EEPD1: variants seen among roughly 807,000 people sequenced by gnomAD.
The protein encoded by EEPD1 is endonuclease/exonuclease/phosphatase family domain-containing protein 1.
A neutral mutation model predicts 46.3 loss-of-function variants in EEPD1; 17 were observed. The observed-to-expected ratio is 0.37, with a 90% CI of 0.25 to 0.55. EEPD1 has a LOEUF of 0.55. EEPD1 is among the 20% of genes least tolerant of loss of function. The pLI is 0.83. For synonymous variants in EEPD1, 313 were observed against 315.6 expected (o/e 0.99, Z 0.09); for missense variants, 673 against 745.6 (o/e 0.90, Z 1.13).
intron 2 of EEPD1, among the ~76,000 whole-genome samples, chr7:36,220,524 G>A (rs1786125670): frequency 1.3e-5 from 2 of 152,172 alleles, no homozygotes; most frequent in Admixed American, 6.5e-5. Context: ...ACACTGGGGA[G>A]GAAGTTTGGG....
intron 3 of EEPD1, among the ~76,000 whole-genome samples, chr7:36,248,707 A>C (rs1258789350): frequency 3.3e-5 from 5 of 152,090 alleles, no homozygotes; most frequent in African/African-American, 1.2e-4. Flanking sequence ...GGGTTGAGCA[A>C]GATCAGTGGC....
intron 6 of EEPD1, among the ~76,000 whole-genome samples, chr7:36,293,409 C>G (rs145570240): frequency 6.6e-6 from 1 of 152,218 alleles, no homozygotes; most frequent in Non-Finnish European, 1.5e-5. Flanking sequence ...GACATGCAAT[C>G]CCAGAGAGCT....
chr7:36,270,107 CAT>C (rs1182445857), intron 3 of EEPD1, among the ~76,000 whole-genome samples: 2 of 152,038 alleles, frequency 1.3e-5, no homozygotes, highest in East Asian at 3.9e-4. Flanking sequence ...TGTGTGTGTG[CAT>C]ATGTGTGTGT....
chr7:36,224,376 C>T (rs998872507), intron 2 of EEPD1, among the ~76,000 whole-genome samples: 8 of 151,954 alleles, frequency 5.3e-5, no homozygotes, highest in South Asian at 4.2e-4. Context: ...GAAAACGGGC[C>T]GACAGTCAGT....
At position 36,300,458 on chromosome 7, in the gene EEPD1, A is replaced by G. The variant is rs1042487389; in HGVS notation, c.*1252A>G. The G allele has an allele frequency of 1.3e-5, 2 of 152,262 alleles. No homozygotes were observed. The highest frequency in any genetic ancestry group is 1.5e-5 in the Non-Finnish European group (1 of 68,052). The allele number at this position is 152,262 out of a possible 1,614,324, so 9.4% of individuals were successfully genotyped here. ...GAGGGATGCAGACTCAGGTTTTGCT[A>G]TGTGCTCACATTTCAACTTTATGCT... On this transcript the variant is annotated 3_prime_UTR_variant, in exon 8 of 8. Transcript: ENST00000242108.
At chr7:36,265,894 T>G (rs1404632423) in intron 3 of EEPD1, among the ~76,000 whole-genome samples, 1 of 152,198 alleles carries the variant, frequency 6.6e-6, no homozygotes, top group Non-Finnish European at 1.5e-5. Flanking sequence ...CCTTTTTTGC[T>G]TACAAGCTAA....
chr7:36,202,405 A>C (rs141015328), intron 2 of EEPD1, among the ~76,000 whole-genome samples: 1 of 152,068 alleles, frequency 6.6e-6, no homozygotes, highest in African/African-American at 2.4e-5. Flanking sequence ...TGGGTTTCTC[A>C]TCCTGTTCGC....
intron 3 of EEPD1, among the ~76,000 whole-genome samples, chr7:36,259,876 TAC>T (rs1268613080): frequency 6.6e-6 from 1 of 152,230 alleles, no homozygotes; most frequent in East Asian, 1.9e-4. Flanking sequence ...AGTGTGTATT[TAC>T]AGAGTTAGCT....
intron 2 of EEPD1, among the ~76,000 whole-genome samples, chr7:36,238,352 A>T (rs908771629): frequency 6.6e-6 from 1 of 152,188 alleles, no homozygotes; most frequent in South Asian, 2.1e-4. Context: ...TCCTGGGAAT[A>T]CAGCCCAGTA....
intron 2 of EEPD1, among the ~76,000 whole-genome samples, chr7:36,215,426 G>A (rs1489470843): frequency 6.6e-6 from 1 of 152,206 alleles, no homozygotes; most frequent in Non-Finnish European, 1.5e-5. Context: ...TTAATTGCTG[G>A]AGAGGTAGGT....
intron 2 of EEPD1, among the ~76,000 whole-genome samples, chr7:36,202,211 G>A (rs771797101): frequency 6.6e-6 from 1 of 152,200 alleles, no homozygotes; most frequent in African/African-American, 2.4e-5. Context: ...GAAATGTGAA[G>A]ATGGGTTAGA....
At chr7:36,244,815 C>G (rs1048379578) in intron 3 of EEPD1, among the ~76,000 whole-genome samples, 3 of 145,578 alleles carry the variant, frequency 2.1e-5, no homozygotes, top group African/African-American at 7.6e-5. Flanking sequence ...CCCTGTTGCC[C>G]AGGCTGGAGT....
At chr7:36,155,430 T>C (rs1014535505) in intron 2 of EEPD1, among the ~76,000 whole-genome samples, 9 of 152,208 alleles carry the variant, frequency 5.9e-5, no homozygotes, top group Non-Finnish European at 4.4e-5. Context: ...GTGTGAGATA[T>C]CTGAGACTGA....
chr7:36,245,669 C>T (rs1210849602), intron 3 of EEPD1, among the ~76,000 whole-genome samples: 1 of 152,214 alleles, frequency 6.6e-6, no homozygotes, highest in East Asian at 1.9e-4. Flanking sequence ...AATTAACAAT[C>T]TAAATTCTTC....
intron 2 of EEPD1, among the ~76,000 whole-genome samples, chr7:36,238,283 C>CT (rs1786492608): frequency 6.6e-6 from 1 of 152,170 alleles, no homozygotes; most frequent in Non-Finnish European, 1.5e-5. Flanking sequence ...TCAGCAAGGT[C>CT]TTTGTGACCT....
At chr7:36,180,875 G>A (rs570825833) in intron 2 of EEPD1, among the ~76,000 whole-genome samples, 3 of 151,532 alleles carry the variant, frequency 2.0e-5, no homozygotes, top group Admixed American at 2.0e-4. Flanking sequence ...CATGCACCTG[G>A]ACTTCTGCAT....
intron 2 of EEPD1, among the ~76,000 whole-genome samples, chr7:36,177,869 A>G (rs1785209792): frequency 6.6e-6 from 1 of 152,078 alleles, no homozygotes; most frequent in Non-Finnish European, 1.5e-5. Context: ...GCGCACCTCC[A>G]TGCCCGGCTA....
chr7:36,230,119 C>T (rs1786297244), intron 2 of EEPD1, among the ~76,000 whole-genome samples: 2 of 151,996 alleles, frequency 1.3e-5, no homozygotes. Context: ...ATGTTTCTTT[C>T]TTGTTCCCCT....
At chr7:36,169,139 T>C (rs1785038396) in intron 2 of EEPD1, among the ~76,000 whole-genome samples, 1 of 152,246 alleles carries the variant, frequency 6.6e-6, no homozygotes, top group African/African-American at 2.4e-5. Flanking sequence ...TTTGGGTTGT[T>C]TCCACTTTTT....
Sources: allele counts gnomAD v4.1 joint callset (sites outside exome capture counted in the v4.1 genomes callset), GRCh38; gene constraint gnomAD v4.1.1; transcripts MANE v1.5; gene names NCBI Gene and HGNC (gene_info 2026-07-23, HGNC 2026-07-21).